The following TAFA2 variants were observed in gnomAD, a reference collection of about 807,000 sequenced individuals.
TAFA2 encodes chemokine-like protein TAFA-2.
In TAFA2, 7 loss-of-function variants were observed where a neutral mutation model predicts 18.8. The observed-to-expected ratio is 0.37, with a 90% CI of 0.21 to 0.70. The LOEUF (loss-of-function observed/expected upper bound fraction) is 0.70. TAFA2 is among the 30% of genes least tolerant of loss of function. The pLI, the probability that TAFA2 is intolerant of heterozygous loss-of-function variation, is 0.53. For missense variants in TAFA2, 122 were observed against 158.1 expected (o/e 0.77, Z 1.23); for synonymous variants, 60 against 54.2 (o/e 1.11, Z -0.47).
intron 1 of TAFA2, among the ~76,000 whole-genome samples, chr12:62,177,208 G>A (rs1303934553): frequency 2.6e-5 from 4 of 152,244 alleles, no homozygotes; most frequent in Non-Finnish European, 4.4e-5. Context: ...AGTGCACAAT[G>A]ACACTCAAGT....
chr12:62,220,849 T>C (rs2062757418), intron 1 of TAFA2, among the ~76,000 whole-genome samples: 1 of 151,914 alleles, frequency 6.6e-6, no homozygotes, highest in Admixed American at 6.6e-5. Context: ...GGCTCACGCC[T>C]GTAAGACCAG....
At chr12:62,107,330 AG>A (rs1869505795) in intron 1 of TAFA2, among the ~76,000 whole-genome samples, 1 of 152,176 alleles carries the variant, frequency 6.6e-6, no homozygotes, top group African/African-American at 2.4e-5. Context: ...AAGAGAAAAA[AG>A]GAAAAACTAC....
upstream of TAFA2, among the ~76,000 whole-genome samples, chr12:62,259,223 A>G (rs940635300): frequency 6.6e-6 from 1 of 152,196 alleles, no homozygotes; most frequent in Non-Finnish European, 1.5e-5. Flanking sequence ...GTATGTTAAA[A>G]TCACACCCCT....
At chr12:61,850,968 T>C (rs541845855) in intron 2 of TAFA2, among the ~76,000 whole-genome samples, 7 of 152,316 alleles carry the variant, frequency 4.6e-5, no homozygotes, top group Admixed American at 3.3e-4. Context: ...TAAATTCTTC[T>C]GTAACTTCTA....
chr12:61,988,252 C>G lies in TAFA2; in HGVS notation c.-1-120826G>C, dbSNP rs147835430. Among the ~76,000 whole-genome samples, 1,036 of 152,150 alleles carry G rather than the reference C, an allele frequency of 6.8e-3. 14 individuals carry two copies. Among genetic ancestry groups the G allele is most frequent in the African/African-American group, 0.024 (978 of 41,484 alleles). On this transcript the variant is annotated intron_variant, in intron 1 of 4. Transcript: ENST00000416284. ...TCCCATGTAATATATTCCCTTTTCA[C>G]TTCCCAATAGAATTTAAAGCATTTC...
intron 1 of TAFA2, among the ~76,000 whole-genome samples, chr12:62,096,503 G>T (rs1220880796): frequency 6.6e-6 from 1 of 152,072 alleles, no homozygotes; most frequent in Non-Finnish European, 1.5e-5. Flanking sequence ...CCAGACCAAG[G>T]TCTGGTTTCT....
At chr12:61,870,696 T>C (rs1016485725) in intron 1 of TAFA2, among the ~76,000 whole-genome samples, 1 of 152,112 alleles carries the variant, frequency 6.6e-6, no homozygotes, top group Non-Finnish European at 1.5e-5. Context: ...AGCTAAATCT[T>C]ACCCACCATG....
chr12:61,961,947 A>G (rs193224534), intron 1 of TAFA2, among the ~76,000 whole-genome samples: 5 of 152,154 alleles, frequency 3.3e-5, no homozygotes, highest in African/African-American at 1.2e-4. Flanking sequence ...TTGATTTCAG[A>G]ACATGTACTT....
intron 1 of TAFA2, among the ~76,000 whole-genome samples, chr12:61,990,838 T>C (rs1257650835): frequency 6.6e-6 from 1 of 152,210 alleles, no homozygotes; most frequent in African/African-American, 2.4e-5. Context: ...TATATGTATA[T>C]AAATGGAATT....
chr12:61,936,710 A>G (rs953975299), intron 1 of TAFA2, among the ~76,000 whole-genome samples: 6 of 152,220 alleles, frequency 3.9e-5, no homozygotes, highest in Admixed American at 6.5e-5. Context: ...CACAGCCAAT[A>G]CACTGAATAA....
intron 1 of TAFA2, among the ~76,000 whole-genome samples, chr12:62,063,920 A>G (rs1882420624): frequency 6.6e-6 from 1 of 151,956 alleles, no homozygotes; most frequent in Non-Finnish European, 1.5e-5. Flanking sequence ...GGATAATCCT[A>G]ATATTTAAGA....
chr12:61,824,742 G>A (rs1872470032), intron 2 of TAFA2, among the ~76,000 whole-genome samples: 1 of 152,098 alleles, frequency 6.6e-6, no homozygotes, highest in Non-Finnish European at 1.5e-5. Context: ...TATATTTGAT[G>A]TACTCCTGTT....
chr12:62,219,142 T>C (rs1318223899), intron 1 of TAFA2, among the ~76,000 whole-genome samples: 9 of 152,150 alleles, frequency 5.9e-5, no homozygotes, highest in Middle Eastern at 3.4e-3. Flanking sequence ...AGTAAGATTA[T>C]ATCTCTGCAA....
chr12:61,795,631 C>T (rs1218756456), intron 2 of TAFA2, among the ~76,000 whole-genome samples: 2 of 151,336 alleles, frequency 1.3e-5, no homozygotes, highest in African/African-American at 4.9e-5. Flanking sequence ...ATGTAAATGA[C>T]GAGTTAATGG....
intron 2 of TAFA2, among the ~76,000 whole-genome samples, chr12:61,759,908 A>G (rs1009957105): frequency 1.3e-5 from 2 of 151,878 alleles, no homozygotes; most frequent in African/African-American, 4.8e-5. Flanking sequence ...TTCTTCTTGG[A>G]AGAGAAAGGA....
chr12:61,772,730 A>G (rs1371046176), intron 2 of TAFA2, among the ~76,000 whole-genome samples: 1 of 152,014 alleles, frequency 6.6e-6, no homozygotes, highest in African/African-American at 2.4e-5. Flanking sequence ...AAAGCCATCT[A>G]TGACAAACCC....
intron 1 of TAFA2, among the ~76,000 whole-genome samples, chr12:62,009,666 C>T (rs995184872): frequency 2.0e-5 from 3 of 152,182 alleles, no homozygotes; most frequent in Non-Finnish European, 4.4e-5. Context: ...TGACACATTA[C>T]GTCATTCCAT....
In TAFA2 at chr12:62,038,205, T is replaced by C. The variant is rs1052737531; in HGVS notation, c.-2+153054A>G. Among the ~76,000 whole-genome samples, 4 of 152,158 alleles carry C rather than the reference T, an allele frequency of 2.6e-5. No individual in the cohort carries two copies. The East Asian group carries it at 5.8e-4, about 22-fold the overall frequency. On this transcript the variant is annotated intron_variant, in intron 1 of 4. Coordinates refer to ENST00000416284, the MANE Select transcript of TAFA2 (RefSeq NM_178539.5). Reference sequence around the variant, plus strand: ...CAACAGAGAATTATAGTTAATAATATTGTATTCAAGATTTTTGCTAAAATA... The same window carrying C: ...CAACAGAGAATTATAGTTAATAATACTGTATTCAAGATTTTTGCTAAAATA...
chr12:62,239,899 T>C (rs2062854323), intron 1 of TAFA2, among the ~76,000 whole-genome samples: 1 of 152,182 alleles, frequency 6.6e-6, no homozygotes, highest in African/African-American at 2.4e-5. Flanking sequence ...GTTGTTGTTT[T>C]AAGCCACTAA....
Sources: gnomAD v4.1 joint callset for allele counts (sites outside exome capture counted in the v4.1 genomes callset) on GRCh38, gnomAD v4.1.1 for gene constraint, MANE v1.5 for transcripts, NCBI Gene and HGNC (gene_info 2026-07-23, HGNC 2026-07-21) for gene names.